The following FTCDNL1 variants were observed in gnomAD, a reference collection of about 807,000 sequenced individuals.
FTCDNL1 encodes formiminotransferase N-terminal subdomain-containing protein.
Under a neutral mutation model 5.9 loss-of-function variants are expected in FTCDNL1, and 11 were observed. That is an observed-to-expected ratio of 1.87 (90% CI 1.18 to 3.10). The LOEUF is 3.10. Among genes scored for constraint, FTCDNL1 ranks in the 30% most tolerant of loss-of-function variants. The probability of loss-of-function intolerance (pLI) is 0.00; values close to 1 mark genes in which losing one functional copy is unlikely to be tolerated. For missense variants in FTCDNL1, 115 were observed against 65.5 expected (o/e 1.76, Z -2.61); for synonymous variants, 58 against 24.8 (o/e 2.34, Z -3.99).
chr2:199,725,656 C>T, the FTCDNL1 span, among the ~76,000 whole-genome samples: 2 of 152,180 alleles, frequency 1.3e-5, no homozygotes, highest in Admixed American at 6.5e-5. Context: ...CTTAGTTTGG[C>T]CAGATATGAA....
the FTCDNL1 span, among the ~76,000 whole-genome samples, chr2:199,684,588 C>G: frequency 6.6e-6 from 1 of 152,170 alleles, no homozygotes; most frequent in African/African-American, 2.4e-5. Context: ...GGGTGGGCCA[C>G]AGAAAACCCT....
At chr2:199,664,162 A>G in the FTCDNL1 span, among the ~76,000 whole-genome samples, 1 of 152,194 alleles carries the variant, frequency 6.6e-6, no homozygotes, top group African/African-American at 2.4e-5. Context: ...AAGATCGGTG[A>G]TATTGTAGCA....
chr2:199,839,974 A>G (rs889037901), intron 3 of FTCDNL1, among the ~76,000 whole-genome samples: 3 of 152,340 alleles, frequency 2.0e-5, no homozygotes, highest in East Asian at 3.9e-4. Flanking sequence ...CAAAAAAGAA[A>G]AAGAGAAGAC....
At chr2:199,764,688 A>G (rs954589721) in intron 3 of FTCDNL1, among the ~76,000 whole-genome samples, 1 of 152,196 alleles carries the variant, frequency 6.6e-6, no homozygotes, top group Non-Finnish European at 1.5e-5. Context: ...GCGAAATCGG[A>G]GGACTCTGGC....
chr2:199,793,862 T>TA (rs140226641), intron 3 of FTCDNL1, among the ~76,000 whole-genome samples: 315 of 152,350 alleles, frequency 2.1e-3, no homozygotes, highest in African/African-American at 7.4e-3. Context: ...TTTTAACAGA[T>TA]ACTCATTATA....
At chr2:199,813,048 C>A (rs1221463619) in intron 4 of FTCDNL1, among the ~76,000 whole-genome samples, 4 of 152,090 alleles carry the variant, frequency 2.6e-5, no homozygotes, top group African/African-American at 9.7e-5. Flanking sequence ...CAGAAAAAAA[C>A]CAAATGCACT....
chr2:199,783,602 C>T (rs1400681131), intron 3 of FTCDNL1, among the ~76,000 whole-genome samples: 1 of 152,136 alleles, frequency 6.6e-6, no homozygotes, highest in Admixed American at 6.5e-5. Flanking sequence ...TAAATTCTCC[C>T]TTATCCAGAT....
chr2:199,804,522 A>T (rs182217396), downstream of FTCDNL1, among the ~76,000 whole-genome samples: 1 of 152,186 alleles, frequency 6.6e-6, no homozygotes, highest in Non-Finnish European at 1.5e-5. Flanking sequence ...AATGCTTTCC[A>T]TGGCATTTCC....
intron 3 of FTCDNL1, among the ~76,000 whole-genome samples, chr2:199,769,850 T>C (rs1375019878): frequency 6.6e-6 from 1 of 152,144 alleles, no homozygotes; most frequent in African/African-American, 2.4e-5. Flanking sequence ...TAAACTCTTC[T>C]CAGTACCCAG....
At chr2:199,669,997 T>C in the FTCDNL1 span, among the ~76,000 whole-genome samples, 1,697 of 152,328 alleles carry the variant, frequency 0.011, 34 homozygotes, top group African/African-American at 0.039. Context: ...GTAGTGGCTC[T>C]CCTGGGCAAG....
downstream of FTCDNL1, among the ~76,000 whole-genome samples, chr2:199,759,141 GTA>G (rs369553395): frequency 2.5e-4 from 38 of 150,164 alleles, no homozygotes; most frequent in African/African-American, 4.6e-4. Context: ...ATTTGTGTGT[GTA>G]TATATATATA....
At chr2:199,710,887 G>C in the FTCDNL1 span, among the ~76,000 whole-genome samples, 13 of 152,136 alleles carry the variant, frequency 8.5e-5, no homozygotes, top group African/African-American at 2.9e-4. Context: ...AGGAATTAGG[G>C]TGGCAATAAT....
the FTCDNL1 span, among the ~76,000 whole-genome samples, chr2:199,724,197 G>A: frequency 2.6e-5 from 4 of 152,022 alleles, no homozygotes; most frequent in Admixed American, 6.6e-5. Context: ...ATTCTCTGAC[G>A]GTTGTATGTA....
chr2:199,746,870 G>T, the FTCDNL1 span, among the ~76,000 whole-genome samples: 4 of 152,064 alleles, frequency 2.6e-5, no homozygotes, highest in African/African-American at 4.8e-5. Context: ...TCTGCCAAAC[G>T]ATGATCCTTC....
chr2:199,819,184 A>T (rs1423932202), intron 4 of FTCDNL1: 6 of 173,510 alleles, frequency 3.5e-5, no homozygotes, highest in Admixed American at 1.1e-4. Flanking sequence ...GCTAGAAGTG[A>T]TCTCTCCCTA....
the FTCDNL1 span, among the ~76,000 whole-genome samples, chr2:199,669,493 A>G: frequency 2.6e-5 from 4 of 152,142 alleles, no homozygotes; most frequent in African/African-American, 4.8e-5. Flanking sequence ...TTCAGCCTCA[A>G]TAAGTCCTTG....
At chr2:199,674,013 G>T in the FTCDNL1 span, among the ~76,000 whole-genome samples, 2 of 152,108 alleles carry the variant, frequency 1.3e-5, no homozygotes, top group African/African-American at 4.8e-5. Flanking sequence ...CTATTTTCAA[G>T]ATAGTGCTAA....
intron 3 of FTCDNL1, among the ~76,000 whole-genome samples, chr2:199,768,195 G>A (rs1698626853): frequency 6.6e-6 from 1 of 152,188 alleles, no homozygotes; most frequent in Non-Finnish European, 1.5e-5. Flanking sequence ...TATTCTGGAA[G>A]TTGCAAATTC....
the FTCDNL1 span, among the ~76,000 whole-genome samples, chr2:199,692,331 T>C: frequency 6.6e-6 from 1 of 152,158 alleles, no homozygotes; most frequent in African/African-American, 2.4e-5. Flanking sequence ...GAAATATGAC[T>C]CCACTCTCCC....
Sources: gnomAD v4.1 joint callset for allele counts (sites outside exome capture counted in the v4.1 genomes callset) on GRCh38, gnomAD v4.1.1 for gene constraint, MANE v1.5 for transcripts, NCBI Gene and HGNC (gene_info 2026-07-23, HGNC 2026-07-21) for gene names.